OR1J2: variants seen among roughly 807,000 people sequenced by gnomAD.
The protein encoded by OR1J2 is olfactory receptor 1J2.
For missense variants in OR1J2, 304 were observed against 246.1 expected (o/e 1.24, Z -1.57); for synonymous variants, 142 against 99.7 (o/e 1.42, Z -2.52).
At chr9:122,473,612 G>T in the OR1J2 span, among the ~76,000 whole-genome samples, 1 of 152,120 alleles carries the variant, frequency 6.6e-6, no homozygotes, top group African/African-American at 2.4e-5. Context: ...TAGACACTTG[G>T]ACAACAGGAG....
the OR1J2 span, among the ~76,000 whole-genome samples, chr9:122,488,124 T>TTTTG: frequency 7.8e-4 from 119 of 152,110 alleles, no homozygotes; most frequent in African/African-American, 2.8e-3. Flanking sequence ...CTTTTGGGTT[T>TTTTG]TTTGTTTGTT....
chr9:122,507,678 A>G (rs1040325982), upstream of OR1J2, among the ~76,000 whole-genome samples: 2 of 152,150 alleles, frequency 1.3e-5, no homozygotes, highest in African/African-American at 2.4e-5. Context: ...AGCAGTTTGT[A>G]TACTCAATTC....
chr9:122,537,374 G>T, the OR1J2 span, among the ~76,000 whole-genome samples: 1 of 152,322 alleles, frequency 6.6e-6, no homozygotes, highest in East Asian at 1.9e-4. Context: ...TTTCGGGCCT[G>T]GTGCCGAGCT....
the OR1J2 span, among the ~76,000 whole-genome samples, chr9:122,467,216 A>G: frequency 6.6e-6 from 1 of 152,140 alleles, no homozygotes; most frequent in Non-Finnish European, 1.5e-5. Flanking sequence ...CCTCAGAGTA[A>G]TAAAAAGATT....
the OR1J2 span, among the ~76,000 whole-genome samples, chr9:122,558,924 T>C: frequency 6.6e-6 from 1 of 152,104 alleles, no homozygotes; most frequent in Non-Finnish European, 1.5e-5. Flanking sequence ...TTATCCTTAA[T>C]TGACACAATG....
the OR1J2 span, among the ~76,000 whole-genome samples, chr9:122,449,456 G>A: frequency 2.0e-3 from 304 of 152,188 alleles, 1 homozygote; most frequent in African/African-American, 6.8e-3. Flanking sequence ...TGCAAGCTCT[G>A]CCTCCTGGGT....
In OR1J2 at chr9:122,511,272, C is replaced by T; in HGVS notation, c.471C>T (p.Leu157=). ...VSWILSCASS[L]SHTLLLTRLS... ...GGATTCTGTCTTGTGCCAGCTCCCTCTCTCACACCCTTCTCCTGACCCGGC... is the reference window on the plus strand; with the variant it reads ...GGATTCTGTCTTGTGCCAGCTCCCTTTCTCACACCCTTCTCCTGACCCGGC... Residue 157 remains leucine (L), a synonymous_variant, in exon 1 of 1, where the codon CTC becomes CTT. Coordinates refer to ENST00000335302, the MANE Select transcript of OR1J2 (RefSeq NM_054107.1). 1.3e-6 allele frequency: 1 copy of T among 749,068 alleles called. No homozygotes were observed. Among genetic ancestry groups the T allele is most frequent in the South Asian group, 1.5e-5 (1 of 67,934 alleles). 46.4% of individuals were successfully genotyped at this position (749,068 alleles called of 1,614,324 possible).
the OR1J2 span, among the ~76,000 whole-genome samples, chr9:122,551,442 A>G: frequency 2.0e-5 from 3 of 152,158 alleles, no homozygotes; most frequent in African/African-American, 7.2e-5. Context: ...TGTTTCCATC[A>G]GGATTATTCT....
Position 122,510,834 on chromosome 9 carries a change from G to T in OR1J2, c.33G>T (p.Glu11Asp), listed in dbSNP as rs746467567. 23 of 1,603,196 alleles carry T rather than the reference G, an allele frequency of 1.4e-5. No homozygotes were observed. Among genetic ancestry groups the T allele is most frequent in the Middle Eastern group, 3.3e-4 (2 of 6,038 alleles). The change falls in exon 1 of 1, where the codon GAG (glutamate) becomes GAT (aspartate). Residue 11 changes from glutamate (E) to aspartate (D), a missense_variant. By Grantham distance (45) the Glu-to-Asp change is conservative (BLOSUM62 2). Coordinates refer to ENST00000335302, the MANE Select transcript of OR1J2 (RefSeq NM_054107.1). MSPENQSSVS[E>D]FLLLGLPIRP... ...CTGAGAACCAGAGCAGCGTGTCCGA[G>T]TTCCTCCTTCTGGGCCTCCCCATCC...
At chr9:122,516,424 CT>C (rs1423290831), downstream of OR1J2, among the ~76,000 whole-genome samples, 3 of 151,054 alleles carry the variant, frequency 2.0e-5, no homozygotes, top group African/African-American at 7.3e-5. Flanking sequence ...CTGCCTCAGC[CT>C]CCCAAGTAGC....
chr9:122,505,856 A>G (rs988374857), upstream of OR1J2, among the ~76,000 whole-genome samples: 16 of 150,046 alleles, frequency 1.1e-4, no homozygotes, highest in Middle Eastern at 3.4e-3. Context: ...TTGTTCATTT[A>G]GTTTTCTTTC....
the OR1J2 span, chr9:122,567,523 T>C: frequency 1.3e-6 from 2 of 1,499,732 alleles, no homozygotes; most frequent in Non-Finnish European, 9.0e-7. Flanking sequence ...AGATTCCACT[T>C]ACGAGTTTTT....
chr9:122,486,053 C>T, the OR1J2 span, among the ~76,000 whole-genome samples: 346 of 151,788 alleles, frequency 2.3e-3, no homozygotes, highest in African/African-American at 7.9e-3. Flanking sequence ...CTCTGCCTCC[C>T]GGGTTCAAGC....
chr9:122,496,057 G>A, the OR1J2 span, among the ~76,000 whole-genome samples: 3 of 152,166 alleles, frequency 2.0e-5, no homozygotes, highest in Non-Finnish European at 4.4e-5. Context: ...GTCTTGCAAC[G>A]TGGGTACCAG....
the OR1J2 span, among the ~76,000 whole-genome samples, chr9:122,534,090 A>C: frequency 3.3e-5 from 5 of 152,150 alleles, no homozygotes; most frequent in Non-Finnish European, 5.9e-5. Context: ...GATTTCTGGC[A>C]CTTGTAGCAA....
At chr9:122,566,563 A>G in the OR1J2 span, among the ~76,000 whole-genome samples, 1,244 of 152,306 alleles carry the variant, frequency 8.2e-3, 17 homozygotes, top group African/African-American at 0.029. Context: ...TGCTGCATAT[A>G]GTTACACTTT....
chr9:122,569,489 T>G, the OR1J2 span, among the ~76,000 whole-genome samples: 1 of 152,244 alleles, frequency 6.6e-6, no homozygotes, highest in Non-Finnish European at 1.5e-5. Context: ...TTGTCACAAT[T>G]TTTTTGCAAT....
the OR1J2 span, chr9:122,553,120 G>T: frequency 7.5e-7 from 1 of 1,332,628 alleles, no homozygotes; most frequent in South Asian, 1.4e-5. Flanking sequence ...CACAGTTCTG[G>T]CCACACAGAT....
the OR1J2 span, among the ~76,000 whole-genome samples, chr9:122,483,868 G>C: frequency 6.6e-6 from 1 of 152,160 alleles, no homozygotes; most frequent in Non-Finnish European, 1.5e-5. Context: ...TCTAAAAAAT[G>C]TTATTAGTTG....
Sources: allele counts gnomAD v4.1 joint callset (sites outside exome capture counted in the v4.1 genomes callset), GRCh38; gene constraint gnomAD v4.1.1; transcripts MANE v1.5; gene names NCBI Gene and HGNC (gene_info 2026-07-23, HGNC 2026-07-21).